Variants in ALPK1 observed in about 807,000 individuals in gnomAD.
ALPK1 encodes the protein alpha-protein kinase 1.
Under a neutral mutation model 120.6 loss-of-function variants are expected in ALPK1, and 110 were observed. The ratio of observed to expected loss-of-function variants is 0.91; its 90% CI spans 0.78 to 1.07. The LOEUF (loss-of-function observed/expected upper bound fraction) is 1.07, where lower values mean the gene tolerates loss of function less well. Ranked by LOEUF, ALPK1 falls within the 50% of genes least tolerant of loss-of-function variation. ALPK1 has a pLI of 0.00. For synonymous variants in ALPK1, 582 were observed against 560.3 expected, an observed-to-expected ratio of 1.04 and a Z score of -0.55; for missense variants, 1,498 against 1,483.9, an observed-to-expected ratio of 1.01 and a Z score of -0.16.
intron 1 of ALPK1, among the ~76,000 whole-genome samples, chr4:112,305,651 G>A (rs1290886040): frequency 2.0e-5 from 3 of 152,100 alleles, no homozygotes; most frequent in Admixed American, 2.0e-4. Context: ...ATTTTGGGCT[G>A]AGACGATGGG....
intron 1 of ALPK1, among the ~76,000 whole-genome samples, chr4:112,303,815 A>G (rs1400859790): frequency 6.6e-6 from 1 of 151,728 alleles, no homozygotes; most frequent in African/African-American, 2.4e-5. Context: ...TTTGTTATAT[A>G]TGTATACATG....
At chr4:112,332,054 T>C (rs1729402207) in intron 2 of ALPK1, among the ~76,000 whole-genome samples, 1 of 151,212 alleles carries the variant, frequency 6.6e-6, no homozygotes, top group Non-Finnish European at 1.5e-5. Context: ...TGTACTATTA[T>C]TATCTTATTC....
chr4:112,331,965 TAACAAC>T, intron 2 of ALPK1, among the ~76,000 whole-genome samples: 1 of 152,174 alleles, frequency 6.6e-6, no homozygotes, highest in Non-Finnish European at 1.5e-5. Context: ...CAGTACCAAA[TAACAAC>T]CACTAAGTGA....
At chr4:112,425,857 C>A in intron 7 of ALPK1, 106 bp downstream of exon 7, 1 of 862,544 alleles carries the variant, frequency 1.2e-6, no homozygotes, top group Non-Finnish European at 1.8e-6. Flanking sequence ...TTGTTAATTT[C>A]CACTTGCCTT....
chr4:112,354,237 GT>G (rs1278946291), intron 2 of ALPK1, among the ~76,000 whole-genome samples: 2 of 149,390 alleles, frequency 1.3e-5, no homozygotes, highest in Non-Finnish European at 3.0e-5. Context: ...CGATTTGCTT[GT>G]TTTTTTTCAA....
At chr4:112,313,246 T>G (rs1443075440) in intron 1 of ALPK1, among the ~76,000 whole-genome samples, 1 of 152,230 alleles carries the variant, frequency 6.6e-6, no homozygotes. Context: ...AGTTTGAGAC[T>G]GAGCCTTTGC....
chr4:112,391,970 G>GAA (rs10710586), intron 4 of ALPK1, among the ~76,000 whole-genome samples: 33 of 150,496 alleles, frequency 2.2e-4, no homozygotes, highest in East Asian at 9.7e-4. Context: ...CAGTCCACAG[G>GAA]AAAAAAAAAC....
At chr4:112,404,911 A>G (rs1011461216) in intron 4 of ALPK1, among the ~76,000 whole-genome samples, 5 of 152,236 alleles carry the variant, frequency 3.3e-5, no homozygotes, top group African/African-American at 9.6e-5. Context: ...CTACCGAAGC[A>G]GTACCTTTCT....
Position 112,441,184 on chromosome 4 carries a change from T to A in ALPK1, c.3728-19T>A. ...AAATATCTGGTGATGCTCGCAAATA[T>A]CTGGTTCTCTCCTTCCAGGCACATA... is the stretch of plus-strand genomic sequence containing the variant. On this transcript the variant is annotated intron_variant, in intron 15 of 15. Transcript: ENST00000650871. The A allele has an allele frequency of 6.2e-7, 1 of 1,611,522 alleles. No individual in the cohort carries two copies. The highest frequency in any genetic ancestry group is 8.5e-7 in the Non-Finnish European group (1 of 1,177,618).
Position 112,432,212 on chromosome 4 carries a change from A to G in ALPK1, c.2665A>G (p.Asn889Asp), listed in dbSNP as rs1440178837. Residue 889 changes from asparagine (N) to aspartate (D), a missense_variant, in exon 11 of 16, where the codon AAT becomes GAT. By Grantham distance (23) the Asn-to-Asp change is conservative. Transcript: ENST00000650871. ...QPPGQRAETP[N>D]SSVSGNILFP... ...GCCTGGTCAGAGGGCGGAGACCCCC[A>G]ATTCCTCTGTAAGCGGTAACATCCT... The G allele has an allele frequency of 1.2e-6, 2 of 1,614,152 alleles. No homozygotes were observed.
intron 1 of ALPK1, among the ~76,000 whole-genome samples, chr4:112,298,916 T>C (rs1727663865): frequency 6.6e-6 from 1 of 152,176 alleles, no homozygotes; most frequent in Non-Finnish European, 1.5e-5. Flanking sequence ...AAGGCATGAA[T>C]TGCTTTTATT....
chr4:112,315,170 CTG>C (rs1728579597), intron 1 of ALPK1, among the ~76,000 whole-genome samples: 1 of 152,174 alleles, frequency 6.6e-6, no homozygotes, highest in Non-Finnish European at 1.5e-5. Flanking sequence ...GTGCAAGACA[CTG>C]TGCCCGGCCA....
At chr4:112,306,336 C>A (rs1055946274) in intron 1 of ALPK1, among the ~76,000 whole-genome samples, 2 of 152,094 alleles carry the variant, frequency 1.3e-5, no homozygotes, top group African/African-American at 4.8e-5. Context: ...ACCAGCCCCT[C>A]TTTGTACCTC....
At chr4:112,367,983 C>T (rs1043128653) in intron 2 of ALPK1, among the ~76,000 whole-genome samples, 30 of 152,152 alleles carry the variant, frequency 2.0e-4, no homozygotes, top group African/African-American at 7.0e-4. Context: ...CTCACTCCAA[C>T]CTCTGGCTCC....
intron 4 of ALPK1, chr4:112,384,083 T>C (rs1284756813): frequency 6.6e-6 from 1 of 152,250 alleles, no homozygotes; most frequent in Non-Finnish European, 1.5e-5. Flanking sequence ...ATTGTTAAGT[T>C]GGGGTTCTCC....
At position 112,412,013 on chromosome 4, in the gene ALPK1, T is replaced by TCC. The variant is rs772484889; in HGVS notation, c.464_465dup (p.Val156ProfsTer2). 1 of 1,613,892 alleles carries TCC rather than the reference T, an allele frequency of 6.2e-7. No individual in the cohort carries two copies. Among genetic ancestry groups the TCC allele is most frequent in the Non-Finnish European group, 8.5e-7 (1 of 1,180,042 alleles). ...GGTGGTTATTCGCCAAGCCCGAATC[T>TCC]CCGTGAACTCAGGTATGCTCCCTCC... On this transcript the variant is annotated frameshift_variant, in exon 5 of 16. Coordinates refer to ENST00000650871, the MANE Select transcript of ALPK1 (RefSeq NM_025144.4). LOFTEE classifies it high-confidence loss of function.
At chr4:112,396,053 C>A (rs6848122) in intron 4 of ALPK1, among the ~76,000 whole-genome samples, 65,648 of 151,712 alleles carry the variant, frequency 0.43, 14,729 homozygotes, top group African/African-American at 0.58. Flanking sequence ...TCTTAGTTGT[C>A]ATGTTTCATT....
chr4:112,396,888 G>A (rs1732675278), intron 4 of ALPK1, among the ~76,000 whole-genome samples: 1 of 151,834 alleles, frequency 6.6e-6, no homozygotes. Context: ...AGCAATTCTT[G>A]TACCTCAGCT....
chr4:112,411,981 C>T lies in ALPK1; in HGVS notation c.431C>T (p.Ala144Val), dbSNP rs1427050994. Reference sequence around the variant, plus strand: ...AAGTTGCAGCCAGCCACGCCAATTGCCCCGCAGGTGGTTATTCGCCAAGCC... The same window carrying T: ...AAGTTGCAGCCAGCCACGCCAATTGTCCCGCAGGTGGTTATTCGCCAAGCC... ...LHKLQPATPI[A>V]PQVVIRQARI... The change falls in exon 5 of 16, where the codon GCC becomes GTC. Residue 144 changes from alanine (A) to valine (V), a missense_variant. Ala to Val is a moderately conservative substitution (Grantham distance 64). Coordinates refer to ENST00000650871, the MANE Select transcript of ALPK1 (RefSeq NM_025144.4). 20 of 1,614,022 alleles carry T rather than the reference C, an allele frequency of 1.2e-5. No individual in the cohort carries two copies. The highest frequency in any genetic ancestry group is 1.7e-5 in the Non-Finnish European group (20 of 1,180,042).
Sources: allele counts gnomAD v4.1 joint callset (sites outside exome capture counted in the v4.1 genomes callset), GRCh38; gene constraint gnomAD v4.1.1; transcripts MANE v1.5; gene names NCBI Gene and HGNC (gene_info 2026-07-23, HGNC 2026-07-21).